SPATA20: variants seen among roughly 807,000 people sequenced by gnomAD.
SPATA20 encodes spermatogenesis associated 20.
SPATA20 carries 74 observed loss-of-function variants against 98.9 expected under a neutral mutation model. That is an observed-to-expected ratio of 0.75 (90% CI 0.62 to 0.91). SPATA20 has a LOEUF of 0.91. Among genes scored for constraint, SPATA20 ranks in the 40% least tolerant of loss-of-function variants. The pLI, the probability that SPATA20 is intolerant of heterozygous loss-of-function variation, is 0.00. For missense variants in SPATA20, 1,016 were observed against 1,069.8 expected, an observed-to-expected ratio of 0.95 and a Z score of 0.70; for synonymous variants, 430 against 440.5, an observed-to-expected ratio of 0.98 and a Z score of 0.30.
intron 14 of SPATA20, among the ~76,000 whole-genome samples, 166 bp from the exon 15 acceptor site, chr17:50,554,085 G>A (rs1430994898): frequency 4.6e-5 from 7 of 152,176 alleles, no homozygotes; most frequent in Admixed American, 4.6e-4. Flanking sequence ...GCAAAGTACT[G>A]ATAACTGCTG....
At position 50,550,600 on chromosome 17, in the gene SPATA20, T is replaced by C. The variant is rs1401081878; in HGVS notation, c.1163T>C (p.Leu388Pro). The change falls in exon 10 of 17, where the codon CTG becomes CCG. Residue 388 changes from leucine (L) to proline (P), a missense_variant. Physicochemically the swap from Leu to Pro is moderately conservative, Grantham distance 98. Coordinates refer to ENST00000006658, the MANE Select transcript of SPATA20 (RefSeq NM_022827.4). ...KGILQYVARS[L>P]SHRSGGFYSA... ...ATCCTGCAGTACGTGGCTCGGAGCC[T>C]GAGCCACCGGGTGTGTGTCCATGGT... 2 of 1,613,876 alleles carry C rather than the reference T, an allele frequency of 1.2e-6. No homozygotes were observed. The highest frequency in any genetic ancestry group is 2.7e-5 in the African/African-American group (2 of 74,950).
Position 50,549,206 on chromosome 17 carries a change from T to G in SPATA20, c.660+20T>G. ...GAACAGGTGGGTGTGCCTCCGGGAG[T>G]TGGGGGACCAGGGTGGGGGACTAGG... On this transcript the variant is annotated intron_variant, in intron 6 of 16. Transcript: ENST00000006658. The G allele has an allele frequency of 6.3e-7, 1 of 1,592,990 alleles. No individual in the cohort carries two copies. Among genetic ancestry groups the G allele is most frequent in the Non-Finnish European group, 8.6e-7 (1 of 1,166,056 alleles).
At chr17:50,548,081 C>A (rs1567908352) in intron 2 of SPATA20, 8 of 1,503,848 alleles carry the variant, frequency 5.3e-6, no homozygotes, top group Admixed American at 2.2e-5. Flanking sequence ...GCAAGGAGCC[C>A]CCAATGAGCC....
chr17:50,555,357 C>T (rs1316221014), intron 16 of SPATA20, 45 bp downstream of exon 16: 1 of 1,593,176 alleles, frequency 6.3e-7, no homozygotes, highest in Non-Finnish European at 8.6e-7. Context: ...CCAGAGCTGC[C>T]CCCTCCCATC....
At chr17:50,551,231 C>T (rs1159823547) in intron 12 of SPATA20, 41 bp downstream of exon 12, 1 of 1,540,850 alleles carries the variant, frequency 6.5e-7, no homozygotes, top group Non-Finnish European at 8.8e-7. Context: ...CTGTAGGATC[C>T]CCCTTCACAA....
chr17:50,554,135 G>C (rs1179475652), intron 14 of SPATA20, 116 bp from the exon 15 acceptor site: 1 of 881,856 alleles, frequency 1.1e-6, no homozygotes, highest in African/African-American at 1.7e-5. Flanking sequence ...GGGCAGGATG[G>C]GCAGGGCCTT....
At position 50,551,198 on chromosome 17, in the gene SPATA20, A is replaced by G. The variant is rs1275241584; in HGVS notation, c.1576+8A>G. On this transcript the variant is annotated splice_region_variant and intron_variant, in intron 12 of 16. Transcript: ENST00000006658. ...TGCTGGCTGCCTGGAATGGTGGGGC[A>G]GCACACCTGAGACCGAGCCTGTCTG... 6.2e-7 allele frequency: 1 copy of G among 1,604,704 alleles called. No homozygotes were observed. The highest frequency in any genetic ancestry group is 1.7e-5 in the Admixed American group (1 of 59,628).
chr17:50,555,462 G>T (rs902535588), intron 16 of SPATA20, 30 bp from the exon 17 acceptor site: 50 of 1,611,776 alleles, frequency 3.1e-5, no homozygotes, highest in Non-Finnish European at 4.1e-5. Context: ...ACCCCGGCAG[G>T]TGACTCTCCC....
chr17:50,547,989 C>T (rs1295002501), intron 2 of SPATA20: 3 of 1,483,514 alleles, frequency 2.0e-6, no homozygotes, highest in Non-Finnish European at 2.7e-6. Context: ...CCCCAAGAAC[C>T]ATTCTGCCCA....
At position 50,549,969 on chromosome 17, in the gene SPATA20, C is replaced by G; in HGVS notation, c.863-16C>G. ...TTTCCCATTCTCTCACCTGCATGTT[C>G]TTGGTGCCCCCACAGTGATCCTGAG... On this transcript the variant is annotated splice_polypyrimidine_tract_variant and intron_variant, in intron 7 of 16. Transcript: ENST00000006658. The G allele has an allele frequency of 6.5e-7, 1 of 1,528,724 alleles. No homozygotes were observed. The highest frequency in any genetic ancestry group is 1.3e-5 in the South Asian group (1 of 78,776). 94.7% of individuals were successfully genotyped at this position (1,528,724 alleles called of 1,614,324 possible). A position where few individuals can be genotyped will look rare whatever the true frequency, so the allele number is the denominator to read the frequency against.
chr17:50,554,621 G>A (rs1243673072), intron 15 of SPATA20, among the ~76,000 whole-genome samples, 171 bp downstream of exon 15: 2 of 152,150 alleles, frequency 1.3e-5, no homozygotes, highest in African/African-American at 4.8e-5. Context: ...ATGAGTCCGT[G>A]GTGGCTGATG....
At chr17:50,547,441 G>A in intron 1 of SPATA20, 156 bp downstream of exon 1, 1 of 665,290 alleles carries the variant, frequency 1.5e-6, no homozygotes, top group Non-Finnish European at 2.5e-6. Flanking sequence ...CTGAGACCTG[G>A]CTCTGGCTGT....
At chr17:50,553,143 A>C (rs980790448) in intron 14 of SPATA20, among the ~76,000 whole-genome samples, 1 of 152,218 alleles carries the variant, frequency 6.6e-6, no homozygotes, top group Admixed American at 6.5e-5. Flanking sequence ...CCTATCACCC[A>C]TGTGCCTTGT....
At chr17:50,547,498 C>G (rs968778093) in intron 1 of SPATA20, 15 of 642,988 alleles carry the variant, frequency 2.3e-5, no homozygotes, top group African/African-American at 3.6e-5. Flanking sequence ...TCCCTCCTCT[C>G]CCCTTCCTTC....
At position 50,547,759 on chromosome 17, in the gene SPATA20, T is replaced by G. The variant is rs773261329; in HGVS notation, c.117T>G (p.Ser39Arg). ...GGCCCAGGACCTGGCCCCACAGGAG[T>G]CCCAGCAGGTGGGCGCTGAGTGAGG... ...GVWPRTWPHR[S>R]PSRGSSSRDK... Residue 39 changes from serine to arginine, a missense_variant, in exon 2 of 17, where the codon AGT becomes AGG. Transcript: ENST00000006658. 1 of 783,260 alleles carries G rather than the reference T, an allele frequency of 1.3e-6. No individual in the cohort carries two copies. Among genetic ancestry groups the G allele is most frequent in the East Asian group, 2.4e-5 (1 of 41,250 alleles). The allele number at this position is 783,260 out of a possible 1,614,324, so 48.5% of individuals were successfully genotyped here. A position where few individuals can be genotyped will look rare whatever the true frequency, so the allele number is the denominator to read the frequency against.
In SPATA20 at chr17:50,554,302, T is replaced by C. The variant is rs371160405; in HGVS notation, c.2009T>C (p.Leu670Pro). 6.8e-6 allele frequency: 11 copies of C among 1,614,036 alleles called. No homozygotes were observed. Among genetic ancestry groups the C allele is most frequent in the Non-Finnish European group, 8.5e-6 (10 of 1,180,036 alleles). Residue 670 changes from leucine to proline, a missense_variant, in exon 15 of 17, where the codon CTC becomes CCC. Leu to Pro is a moderately conservative substitution (Grantham distance 98). Transcript: ENST00000006658. ...AATTCCGTGTCAGCCCACAACCTGC[T>C]CCGGCTGCATGGCTTCACGGGCCAC... ...SANSVSAHNL[L>P]RLHGFTGHKD...
At position 50,549,080 on chromosome 17, in the gene SPATA20, G is replaced by A. The variant is rs916621531; in HGVS notation, c.554G>A (p.Trp185Ter). Residue 185 changes from tryptophan (W) to a stop codon, truncating the protein, a stop_gained, in exon 6 of 17, where the codon TGG becomes TAG. Transcript: ENST00000006658. LOFTEE classifies it high-confidence loss of function. Reference protein sequence around the residue: ...SSGGGWPMNVWLTPNLQPFVG... With the variant: ...SSGGGWPMNV ...GGCGGGGGCTGGCCCATGAATGTGT[G>A]GCTGACTCCCAACCTCCAGCCCTTT... 1 of 1,613,492 alleles carries A rather than the reference G, an allele frequency of 6.2e-7. No homozygotes were observed. The highest frequency in any genetic ancestry group is 1.3e-5 in the African/African-American group (1 of 74,938).
Position 50,548,939 on chromosome 17 carries a change from A to G in SPATA20, c.491A>G (p.Asp164Gly). The G allele has an allele frequency of 2.5e-6, 4 of 1,614,172 alleles. No homozygotes were observed. The highest frequency in any genetic ancestry group is 3.4e-6 in the Non-Finnish European group (4 of 1,180,018). The change falls in exon 5 of 17, where the codon GAC (aspartate) becomes GGC (glycine). Residue 164 changes from aspartate (D) to glycine (G), a missense_variant. Asp to Gly is a moderately conservative substitution (Grantham distance 94). Transcript: ENST00000006658. ...GACCGTGAGGAGCGGCCTGACGTGG[A>G]CAAGGTGTACATGACGTTCGTGCAG... ...KVDREERPDV[D>G]KVYMTFVQAT...
Position 50,551,072 on chromosome 17 carries a change from T to C in SPATA20, c.1458T>C (p.Phe486=), listed in dbSNP as rs1017805337. ...RYSLELTAAR[F]GLDVEAVRTL... ...CGCTGGAGCTGACTGCTGCCCGCTT[T>C]GGCTTGGATGTGGAGGCCGTGCGGA... The change falls in exon 12 of 17, where the codon TTT becomes TTC. Residue 486 remains phenylalanine (F), a synonymous_variant. Coordinates refer to ENST00000006658, the MANE Select transcript of SPATA20 (RefSeq NM_022827.4). 6.2e-7 allele frequency: 1 copy of C among 1,613,234 alleles called. No homozygotes were observed. Among genetic ancestry groups the C allele is most frequent in the Non-Finnish European group, 8.5e-7 (1 of 1,180,018 alleles).
Sources: gnomAD v4.1 joint callset for allele counts (sites outside exome capture counted in the v4.1 genomes callset) on GRCh38, gnomAD v4.1.1 for gene constraint, MANE v1.5 for transcripts, NCBI Gene and HGNC (gene_info 2026-07-23, HGNC 2026-07-21) for gene names.